Variants in HEATR4 observed in about 807,000 individuals in gnomAD.
HEATR4 encodes the protein HEAT repeat containing 4.
In HEATR4, 95 loss-of-function variants were observed where a neutral mutation model predicts 108.8. The ratio of observed to expected loss-of-function variants is 0.87; its 90% confidence interval spans 0.74 to 1.04. The LOEUF (loss-of-function observed/expected upper bound fraction) is 1.04. HEATR4 is among the 50% of genes least tolerant of loss of function. The pLI, the probability that HEATR4 is intolerant of heterozygous loss-of-function variation, is 0.00. For missense variants in HEATR4, 1,152 were observed against 1,253.8 expected (o/e 0.92, Z 1.23); for synonymous variants, 443 against 459.4 (o/e 0.96, Z 0.46).
chr14:73,569,119 AAGC>A, the HEATR4 span: 1 of 1,195,782 alleles, frequency 8.4e-7, no homozygotes, highest in Admixed American at 2.2e-5. Context: ...AGGAGACTTT[AAGC>A]AAGTTCCAGT....
At chr14:73,526,352 G>A (rs1358332490) in intron 2 of HEATR4, among the ~76,000 whole-genome samples, 2 of 152,212 alleles carry the variant, frequency 1.3e-5, no homozygotes, top group Non-Finnish European at 2.9e-5. Context: ...ATACATATGA[G>A]TGACAGTCAG....
intron 17 of HEATR4, among the ~76,000 whole-genome samples, chr14:73,480,360 G>C (rs1885201741): frequency 1.3e-5 from 2 of 152,172 alleles, no homozygotes; most frequent in South Asian, 4.1e-4. Context: ...AGAATCGCTT[G>C]AACCAGGAGG....
At chr14:73,573,487 T>C in the HEATR4 span, 1 of 1,613,768 alleles carries the variant, frequency 6.2e-7, no homozygotes, top group East Asian at 2.2e-5. Context: ...TTTGCTGTGA[T>C]GGCTCTGGCT....
chr14:73,564,434 G>C, the HEATR4 span, among the ~76,000 whole-genome samples: 1 of 151,630 alleles, frequency 6.6e-6, no homozygotes, highest in South Asian at 2.1e-4. Context: ...GGGAGACCCC[G>C]TCTGTACAAA....
the HEATR4 span, among the ~76,000 whole-genome samples, chr14:73,606,383 A>C: frequency 1.1e-5 from 1 of 88,734 alleles, no homozygotes; most frequent in Non-Finnish European, 2.1e-5. Flanking sequence ...ACAAAACAAA[A>C]CAAAAAAAAA....
rs1206144550 is a variant in HEATR4, at chr14:73,535,554, T to TCC, written c.-151-5311_-151-5310insGG. Among the ~76,000 whole-genome samples, 40 of 86,922 alleles carry TCC rather than the reference T, an allele frequency of 4.6e-4. 8 individuals are homozygous for TCC. The highest frequency in any genetic ancestry group is 1.4e-3 in the African/African-American group (38 of 27,480). 57.0% of individuals were successfully genotyped at this position (86,922 alleles called of 152,430 possible). On this transcript the variant is annotated intron_variant, in intron 1 of 17. Coordinates refer to ENST00000553558, the MANE Select transcript of HEATR4 (RefSeq NM_001220484.1). ...CGCCATCTTGGCTCACTGCAAGCAC[T>TCC]GCCTCCAGGGTTCACGCCATTCTCC...
At chr14:73,625,927 T>C in the HEATR4 span, among the ~76,000 whole-genome samples, 3 of 152,222 alleles carry the variant, frequency 2.0e-5, no homozygotes, top group East Asian at 5.8e-4. Context: ...CTCGGGTCTC[T>C]CACTTTAAAT....
the HEATR4 span, among the ~76,000 whole-genome samples, chr14:73,566,601 G>A: frequency 6.6e-6 from 1 of 152,322 alleles, no homozygotes; most frequent in Non-Finnish European, 1.5e-5. Flanking sequence ...ATTGCCCGGG[G>A]CTGGCAGGGC....
the HEATR4 span, among the ~76,000 whole-genome samples, chr14:73,600,910 G>A: frequency 6.6e-5 from 10 of 151,930 alleles, 1 homozygote; most frequent in East Asian, 1.9e-4. Context: ...AGGCCAAGGC[G>A]GGCGGATCAC....
chr14:73,594,267 T>A, the HEATR4 span, among the ~76,000 whole-genome samples: 1 of 152,208 alleles, frequency 6.6e-6, no homozygotes, highest in African/African-American at 2.4e-5. Flanking sequence ...AGAACAAACT[T>A]ACTTACTCTG....
the HEATR4 span, chr14:73,619,129 C>T: frequency 2.8e-6 from 4 of 1,427,398 alleles, no homozygotes; most frequent in Non-Finnish European, 3.7e-6. Context: ...GACTCCATCT[C>T]AAAAAAGAAA....
chr14:73,507,587 C>T (rs1352700804), intron 9 of HEATR4, among the ~76,000 whole-genome samples: 11 of 152,014 alleles, frequency 7.2e-5, no homozygotes, highest in African/African-American at 2.4e-4. Context: ...GCACATACCA[C>T]CATGCCTGAC....
chr14:73,521,663 G>A (rs1280886242), intron 3 of HEATR4, among the ~76,000 whole-genome samples: 1 of 152,194 alleles, frequency 6.6e-6, no homozygotes, highest in Non-Finnish European at 1.5e-5. Context: ...TGAGATAGAA[G>A]CAATCTAAGA....
chr14:73,603,601 C>T, the HEATR4 span, among the ~76,000 whole-genome samples: 1 of 152,072 alleles, frequency 6.6e-6, no homozygotes, highest in Admixed American at 6.6e-5. Context: ...GATCCACCCA[C>T]CTCAGCCTCC....
chr14:73,523,095 GC>G lies in HEATR4; in HGVS notation c.57del (p.Pro21HisfsTer7). On this transcript the variant is annotated frameshift_variant, in exon 3 of 18. Transcript: ENST00000553558. LOFTEE classifies it high-confidence loss of function. ...ATCATGCCCCATCCCAGTCGTGGGG[GC>G]AGTGACTGATAGAAGCAATGGGGGA... is the stretch of plus-strand genomic sequence containing the variant. ...TFLPHCFYQS[L>X]PPRLGWGMIL... 1 of 1,611,262 alleles carries G rather than the reference GC, an allele frequency of 6.2e-7. No individual in the cohort carries two copies. Among genetic ancestry groups the G allele is most frequent in the Non-Finnish European group, 8.5e-7 (1 of 1,179,984 alleles).
chr14:73,627,618 C>G, the HEATR4 span, among the ~76,000 whole-genome samples: 1 of 152,174 alleles, frequency 6.6e-6, no homozygotes, highest in African/African-American at 2.4e-5. Context: ...CTTCCATGTC[C>G]TCCCGGGCAT....
chr14:73,565,377 TTTTTC>T, the HEATR4 span, among the ~76,000 whole-genome samples: 3 of 150,990 alleles, frequency 2.0e-5, no homozygotes, highest in East Asian at 1.9e-4. Flanking sequence ...ACCCTCTCCC[TTTTTC>T]TTTTCCTTTT....
At chr14:73,487,304 C>A (rs892208451) in intron 17 of HEATR4, among the ~76,000 whole-genome samples, 1 of 151,736 alleles carries the variant, frequency 6.6e-6, no homozygotes, top group East Asian at 2.0e-4. Context: ...CAGTGGCTCG[C>A]GCCTGTAATC....
chr14:73,521,147 T>C (rs995055824), intron 3 of HEATR4, 108 bp from the exon 4 acceptor site: 9 of 935,200 alleles, frequency 9.6e-6, no homozygotes, highest in African/African-American at 1.6e-5. Flanking sequence ...TCAGCTCCTA[T>C]ACACGTGAGC....
Sources: allele counts gnomAD v4.1 joint callset (sites outside exome capture counted in the v4.1 genomes callset), GRCh38; gene constraint gnomAD v4.1.1; transcripts MANE v1.5; gene names NCBI Gene and HGNC (gene_info 2026-07-23, HGNC 2026-07-21).